Variants in DOCK5 observed in about 807,000 individuals in gnomAD.
The protein encoded by DOCK5 is dedicator of cytokinesis protein 5.
DOCK5 carries 142 observed loss-of-function variants against 251.8 expected under a neutral mutation model. That is an observed-to-expected ratio of 0.56 (90% CI 0.49 to 0.65). The LOEUF (loss-of-function observed/expected upper bound fraction) is 0.65, where lower values mean the gene tolerates loss of function less well. Ranked by LOEUF, DOCK5 falls within the 30% of genes least tolerant of loss-of-function variation. DOCK5 has a pLI of 0.00. For missense variants in DOCK5, 2,111 were observed against 2,312.3 expected (o/e 0.91, Z 1.79); for synonymous variants, 842 against 835.5 (o/e 1.01, Z -0.13).
chr8:25,206,241 T>C (rs2117470552), intron 1 of DOCK5, among the ~76,000 whole-genome samples: 1 of 152,158 alleles, frequency 6.6e-6, no homozygotes, highest in East Asian at 1.9e-4. Flanking sequence ...GTGGGTAAAG[T>C]GGAAAAGAGG....
chr8:25,189,456 G>T (rs544210126), intron 1 of DOCK5, among the ~76,000 whole-genome samples: 2 of 152,178 alleles, frequency 1.3e-5, no homozygotes, highest in African/African-American at 4.8e-5. Context: ...AACTTCCTGG[G>T]CTCAAGTGAC....
rs1364824881 is a variant in DOCK5 at position 25,278,554 on chromosome 8, TTTGG to T, written c.225-12_225-9del. On this transcript the variant is annotated splice_polypyrimidine_tract_variant and intron_variant, in intron 4 of 51. Transcript: ENST00000276440. ...TCAGCCTAGAAGAAAGTGACCCTCG[TTTGG>T]TTCTTTGTAGGCAGCATGAAACCGT... 3 of 1,613,158 alleles carry T rather than the reference TTTGG, an allele frequency of 1.9e-6. No homozygotes were observed. Among genetic ancestry groups the T allele is most frequent in the Non-Finnish European group, 2.5e-6 (3 of 1,179,288 alleles).
intron 29 of DOCK5, among the ~76,000 whole-genome samples, chr8:25,363,365 C>T (rs1398153258): frequency 6.6e-6 from 1 of 152,216 alleles, no homozygotes; most frequent in African/African-American, 2.4e-5. Flanking sequence ...CTAGCGTCGT[C>T]TCTTCAGTGC....
chr8:25,254,773 C>CAAAAAAAAAAAA lies in DOCK5; in HGVS notation c.127+11025_127+11026insAAAAAAAAAAAA, dbSNP rs745860086. ...CTGGCGACAAAGCAAGACTTTGTCT[C>CAAAAAAAAAAAA]AAAAAAAAACAAAACAAAACAAAAA... is the stretch of plus-strand genomic sequence containing the variant. On this transcript the variant is annotated intron_variant, in intron 2 of 51. Transcript: ENST00000276440. Among the ~76,000 whole-genome samples the CAAAAAAAAAAAA allele has an allele frequency of 3.2e-3, 21 of 6,564 alleles. 10 individuals are homozygous for CAAAAAAAAAAAA. The highest frequency in any genetic ancestry group is 4.5e-3 in the Non-Finnish European group (16 of 3,532). 4.3% of individuals were successfully genotyped at this position (6,564 alleles called of 152,430 possible). A position where few individuals can be genotyped will look rare whatever the true frequency, so the allele number is the denominator to read the frequency against.
At chr8:25,344,001 G>T (rs1800311972) in intron 25 of DOCK5, among the ~76,000 whole-genome samples, 1 of 152,054 alleles carries the variant, frequency 6.6e-6, no homozygotes, top group South Asian at 2.1e-4. Context: ...TAAAGCCAGG[G>T]TTTCACCATG....
chr8:25,392,143 A>T (rs1375122970), intron 43 of DOCK5, among the ~76,000 whole-genome samples, 163 bp downstream of exon 43: 1 of 152,122 alleles, frequency 6.6e-6, no homozygotes, highest in Non-Finnish European at 1.5e-5. Flanking sequence ...CGGTACTAAA[A>T]ATACAAAAAA....
intron 26 of DOCK5, among the ~76,000 whole-genome samples, chr8:25,347,292 C>G (rs1463282197): frequency 6.6e-6 from 1 of 152,226 alleles, no homozygotes; most frequent in African/African-American, 2.4e-5. Flanking sequence ...ATTGCCATCT[C>G]TAGCTGCTCC....
In DOCK5 at chr8:25,301,579, T is replaced by A. The variant is rs945646984; in HGVS notation, c.847-746T>A. 2.0e-5 allele frequency among the ~76,000 whole-genome samples: 3 copies of A among 151,822 alleles called. No homozygotes were observed. The East Asian group carries it at 5.8e-4, about 30-fold the overall frequency. The stretch of plus-strand genomic sequence containing the variant: ...ACTCACCCATCCTTAAGAAAACAAA[T>A]AATGGCTGGGCGCGGTGGCTCATGT... On this transcript the variant is annotated intron_variant, in intron 9 of 51. Transcript: ENST00000276440.
intron 25 of DOCK5, among the ~76,000 whole-genome samples, chr8:25,344,975 T>C (rs947384695): frequency 3.3e-5 from 5 of 152,170 alleles, no homozygotes; most frequent in African/African-American, 1.2e-4. Flanking sequence ...CCTTACTTTC[T>C]GAAATCCACA....
chr8:25,233,831 T>C (rs1375928962), intron 1 of DOCK5, among the ~76,000 whole-genome samples: 4 of 152,236 alleles, frequency 2.6e-5, no homozygotes, highest in Non-Finnish European at 5.9e-5. Flanking sequence ...CACGAGATGT[T>C]TTGATGCAGA....
At chr8:25,341,498 C>A (rs1805954252) in intron 23 of DOCK5, among the ~76,000 whole-genome samples, 1 of 152,332 alleles carries the variant, frequency 6.6e-6, no homozygotes, top group South Asian at 2.1e-4. Context: ...GAGAAATGAA[C>A]TCCAAGTGGA....
intron 25 of DOCK5, among the ~76,000 whole-genome samples, chr8:25,345,239 C>T (rs1401633366): frequency 6.7e-6 from 1 of 149,658 alleles, no homozygotes; most frequent in Non-Finnish European, 1.5e-5. Flanking sequence ...CCCACCTTCA[C>T]CTGTGAGAAG....
intron 1 of DOCK5, among the ~76,000 whole-genome samples, chr8:25,192,329 A>C (rs893079699): frequency 3.9e-5 from 6 of 152,144 alleles, no homozygotes; most frequent in African/African-American, 4.8e-5. Flanking sequence ...AGTTCTAGAT[A>C]CCTGAGGAAT....
chr8:25,400,796 GA>G (rs2117334934), intron 46 of DOCK5, 132 bp from the exon 47 acceptor site: 1 of 924,438 alleles, frequency 1.1e-6, no homozygotes, highest in Admixed American at 2.2e-5. Context: ...CCTACACTGA[GA>G]AGTGGCCTTC....
chr8:25,194,982 G>T (rs986592871), intron 1 of DOCK5, among the ~76,000 whole-genome samples: 1 of 151,858 alleles, frequency 6.6e-6, no homozygotes, highest in African/African-American at 2.4e-5. Context: ...GTGTAGTGGC[G>T]CAATCTTGGC....
Position 25,359,426 on chromosome 8 carries a change from C to A in DOCK5, c.2949+365C>A, listed in dbSNP as rs557440793. ...AGAAGGCAGGGGTGTGCAAAGTCTC[C>A]TAAGACGTGGTTGATACCATCATTT... On this transcript the variant is annotated intron_variant, in intron 28 of 51. Transcript: ENST00000276440. 2.3e-4 allele frequency among the ~76,000 whole-genome samples: 35 copies of A among 152,274 alleles called. No individual in the cohort carries two copies. The South Asian group carries it at 4.1e-3, about 18-fold the overall frequency.
At chr8:25,410,972 T>TGTGTGC (rs1331552371) in intron 51 of DOCK5, among the ~76,000 whole-genome samples, 4 of 19,168 alleles carry the variant, frequency 2.1e-4, no homozygotes, top group Non-Finnish European at 4.7e-4. Context: ...TGTGTGTGTG[T>TGTGTGC]GCGCGCGCGC....
intron 49 of DOCK5, 87 bp downstream of exon 49, chr8:25,408,241 T>C: frequency 6.4e-6 from 9 of 1,399,594 alleles, no homozygotes; most frequent in Admixed American, 2.6e-5. Flanking sequence ...CCCTCCCAGA[T>C]TGAAGCTGGG....
At chr8:25,360,151 G>T (rs1247231902) in intron 28 of DOCK5, among the ~76,000 whole-genome samples, 1 of 152,224 alleles carries the variant, frequency 6.6e-6, no homozygotes, top group East Asian at 1.9e-4. Context: ...GATGGCCAGT[G>T]CCCCCATGGA....
Sources: allele counts gnomAD v4.1 joint callset (sites outside exome capture counted in the v4.1 genomes callset), GRCh38; gene constraint gnomAD v4.1.1; transcripts MANE v1.5; gene names NCBI Gene and HGNC (gene_info 2026-07-23, HGNC 2026-07-21).